Variants in CLXN observed in about 807,000 individuals in gnomAD.
CLXN encodes the protein calaxin, also known as EF-hand calcium binding domain 1.
the CLXN span, among the ~76,000 whole-genome samples, chr8:48,726,268 TATCCATCC>T: frequency 9.9e-4 from 133 of 134,302 alleles, no homozygotes; most frequent in Middle Eastern, 5.3e-3. Context: ...ATCATCTATC[TATCCATCC>T]ATCCATCCAT....
the CLXN span, among the ~76,000 whole-genome samples, chr8:48,732,341 G>T: frequency 6.6e-6 from 1 of 152,130 alleles, no homozygotes; most frequent in South Asian, 2.1e-4. Flanking sequence ...TAACAAACAA[G>T]GACAAAACCT....
chr8:48,729,164 A>T, the CLXN span: 667 of 1,575,290 alleles, frequency 4.2e-4, 5 homozygotes, highest in Middle Eastern at 2.7e-3. Context: ...AATGAGAAAC[A>T]TGTTAGGCAA....
At chr8:48,721,128 C>T in the CLXN span, among the ~76,000 whole-genome samples, 528 of 152,136 alleles carry the variant, frequency 3.5e-3, no homozygotes, top group Non-Finnish European at 4.5e-3. Flanking sequence ...CTGCAGGACA[C>T]GAAATCAACT....
the CLXN span, among the ~76,000 whole-genome samples, chr8:48,720,780 C>T: frequency 6.6e-6 from 1 of 152,058 alleles, no homozygotes. Flanking sequence ...CTTTTGAAAC[C>T]CTTAATAAAA....
the CLXN span, among the ~76,000 whole-genome samples, chr8:48,722,800 C>T: frequency 1.3e-5 from 2 of 152,090 alleles, no homozygotes; most frequent in African/African-American, 4.8e-5. Context: ...AATGAAATAT[C>T]ATTCTGCCTT....
the CLXN span, chr8:48,734,545 G>C: frequency 6.6e-6 from 1 of 152,228 alleles, no homozygotes; most frequent in African/African-American, 2.4e-5. Context: ...CACGTGTTTA[G>C]TTGTGCTGAA....
At chr8:48,735,095 A>G in the CLXN span, 3 of 1,614,032 alleles carry the variant, frequency 1.9e-6, no homozygotes, top group African/African-American at 1.3e-5. Flanking sequence ...CTTACTTACA[A>G]TGCTTGCAAT....
chr8:48,712,161 T>TA, the CLXN span: 1 of 152,242 alleles, frequency 6.6e-6, no homozygotes, highest in African/African-American at 2.4e-5. Flanking sequence ...ACTCAGGCTC[T>TA]AAATGCCACT....
the CLXN span, among the ~76,000 whole-genome samples, chr8:48,719,105 A>C: frequency 1.3e-5 from 2 of 152,040 alleles, no homozygotes; most frequent in Admixed American, 1.3e-4. Context: ...ATTACAATGG[A>C]TGCTTCAGAA....
At chr8:48,716,257 G>A in the CLXN span, 28 of 153,114 alleles carry the variant, frequency 1.8e-4, no homozygotes, top group African/African-American at 2.7e-4. Context: ...GGCGGCACCC[G>A]CAGGCCAGCC....
chr8:48,720,850 C>T, the CLXN span, among the ~76,000 whole-genome samples: 4 of 152,150 alleles, frequency 2.6e-5, no homozygotes, highest in African/African-American at 7.2e-5. Context: ...ATGTCACCCC[C>T]AGTGGCCCAG....
the CLXN span, chr8:48,724,847 A>G: frequency 6.6e-7 from 1 of 1,509,712 alleles, no homozygotes; most frequent in South Asian, 1.2e-5. Context: ...CAAAAAAGGT[A>G]GAACACCACA....
chr8:48,731,581 A>G, the CLXN span: 1 of 1,259,746 alleles, frequency 7.9e-7, no homozygotes, highest in Admixed American at 2.7e-5. Context: ...ATAAGTTTAC[A>G]GACAAACAAC....
At chr8:48,724,628 C>T in the CLXN span, 7 of 779,794 alleles carry the variant, frequency 9.0e-6, no homozygotes, top group Non-Finnish European at 1.4e-5. Flanking sequence ...TGAACCTCAT[C>T]TTCACCCTGA....
the CLXN span, chr8:48,715,187 C>T: frequency 4.9e-4 from 74 of 152,082 alleles, no homozygotes; most frequent in African/African-American, 1.6e-3. Context: ...TTAAAATTTC[C>T]TAAATATCTG....
At chr8:48,722,643 C>T in the CLXN span, among the ~76,000 whole-genome samples, 7 of 152,130 alleles carry the variant, frequency 4.6e-5, no homozygotes, top group African/African-American at 1.4e-4. Context: ...ATTACTGCCC[C>T]GTGCATTGCA....
At chr8:48,713,868 T>C in the CLXN span, 2 of 152,126 alleles carry the variant, frequency 1.3e-5, no homozygotes, top group Non-Finnish European at 2.9e-5. Flanking sequence ...TTAAATCCTG[T>C]AGTTAAAAAA....
chr8:48,718,293 AC>A, the CLXN span, among the ~76,000 whole-genome samples: 1 of 152,176 alleles, frequency 6.6e-6, no homozygotes, highest in Admixed American at 6.5e-5. Context: ...TATATATACA[AC>A]CAATATCAGA....
chr8:48,721,141 C>T, the CLXN span, among the ~76,000 whole-genome samples: 6 of 152,000 alleles, frequency 3.9e-5, no homozygotes, highest in Non-Finnish European at 5.9e-5. Context: ...AATCAACTTA[C>T]AAAAATCAGT....
Sources: gnomAD v4.1 joint callset for allele counts (sites outside exome capture counted in the v4.1 genomes callset) on GRCh38, gnomAD v4.1.1 for gene constraint, MANE v1.5 for transcripts, NCBI Gene and HGNC (gene_info 2026-07-23, HGNC 2026-07-21) for gene names.